Variants in NAALADL2 observed in about 807,000 individuals in gnomAD.
NAALADL2 encodes the protein N-acetylated alpha-linked acidic dipeptidase like 2.
In NAALADL2, 76 loss-of-function variants were observed where a neutral mutation model predicts 87.2. The ratio of observed to expected loss-of-function variants is 0.87; its 90% CI spans 0.72 to 1.05. The LOEUF is 1.05. Among genes scored for constraint, NAALADL2 ranks in the 50% least tolerant of loss-of-function variants. The pLI, the probability that NAALADL2 is intolerant of heterozygous loss-of-function variation, is 0.00. For synonymous variants in NAALADL2, 354 were observed against 331.0 expected, an observed-to-expected ratio of 1.07 and a Z score of -0.75; for missense variants, 1,089 against 945.8, an observed-to-expected ratio of 1.15 and a Z score of -1.99.
intron 5 of NAALADL2, among the ~76,000 whole-genome samples, chr3:175,333,384 A>G (rs1761625765): frequency 1.3e-5 from 2 of 152,146 alleles, no homozygotes; most frequent in South Asian, 2.1e-4. Context: ...GCTAGGGAGC[A>G]TGTGCTTCAG....
chr3:175,199,756 T>A (rs1295391409), intron 2 of NAALADL2, among the ~76,000 whole-genome samples: 1 of 79,970 alleles, frequency 1.3e-5, no homozygotes, highest in African/African-American at 3.2e-5. Context: ...CCAGGAAAAC[T>A]GATTGATTTG....
chr3:175,354,012 T>A (rs1295074165), intron 5 of NAALADL2, among the ~76,000 whole-genome samples: 4 of 152,230 alleles, frequency 2.6e-5, no homozygotes, highest in Non-Finnish European at 4.4e-5. Flanking sequence ...TGGAGCTATT[T>A]TTCTCTTATA....
intron 1 of NAALADL2, among the ~76,000 whole-genome samples, chr3:174,508,113 G>GTTTT (rs1560020933): frequency 2.2e-5 from 2 of 92,940 alleles, no homozygotes; most frequent in African/African-American, 7.9e-5. Flanking sequence ...GATATCTAGT[G>GTTTT]GTTTTTTTTT....
rs537286283 is a variant in NAALADL2, at chr3:175,718,506, G to A, written c.1897-18800G>A. On this transcript the variant is annotated intron_variant, in intron 11 of 13. Coordinates refer to ENST00000454872, the MANE Select transcript of NAALADL2 (RefSeq NM_207015.3). The stretch of plus-strand genomic sequence containing the variant: ...CGGTTTTCATAAATTGTTCTTGGAG[G>A]CCCAATTATCATCCCTGTCCATCTT... 1.3e-5 allele frequency: 20 copies of A among 1,589,658 alleles called. No individual in the cohort carries two copies. The South Asian group carries it at 2.1e-4, about 17-fold the overall frequency.
At chr3:175,205,745 A>G (rs193213178) in intron 2 of NAALADL2, among the ~76,000 whole-genome samples, 4 of 151,988 alleles carry the variant, frequency 2.6e-5, no homozygotes, top group African/African-American at 9.7e-5. Flanking sequence ...CAAAAAAATC[A>G]GTAAGAAAAC....
intron 1 of NAALADL2, among the ~76,000 whole-genome samples, chr3:174,981,225 G>T (rs1745066031): frequency 6.6e-6 from 1 of 152,092 alleles, no homozygotes; most frequent in Non-Finnish European, 1.5e-5. Flanking sequence ...GTATACTCAT[G>T]AATCATATTA....
chr3:175,048,225 G>A (rs1007613407), intron 1 of NAALADL2, among the ~76,000 whole-genome samples: 2 of 152,010 alleles, frequency 1.3e-5, no homozygotes, highest in African/African-American at 4.8e-5. Context: ...TTCAAATGAG[G>A]GATTATCTGC....
intron 2 of NAALADL2, among the ~76,000 whole-genome samples, chr3:175,153,788 G>C (rs1731907864): frequency 6.6e-6 from 1 of 152,170 alleles, no homozygotes; most frequent in Admixed American, 6.6e-5. Context: ...ACTGAAATAG[G>C]GGTGGGTTGA....
chr3:175,013,966 A>C (rs1321076636), intron 1 of NAALADL2, among the ~76,000 whole-genome samples: 3 of 152,154 alleles, frequency 2.0e-5, no homozygotes, highest in African/African-American at 7.2e-5. Context: ...CATCAGTCAT[A>C]GGGTCACACT....
intron 1 of NAALADL2, among the ~76,000 whole-genome samples, chr3:174,476,148 C>A (rs1443219331): frequency 4.0e-5 from 6 of 151,866 alleles, no homozygotes; most frequent in African/African-American, 1.2e-4. Flanking sequence ...AACATCATAA[C>A]TTGTCAAAGA....
intron 1 of NAALADL2, among the ~76,000 whole-genome samples, chr3:175,050,691 G>T (rs1755269456): frequency 6.6e-6 from 1 of 152,062 alleles, no homozygotes; most frequent in Admixed American, 6.6e-5. Context: ...TACTATAAAG[G>T]TAAAGTTTTT....
chr3:174,845,694 CA>C (rs781353354), intron 3 of NAALADL2, among the ~76,000 whole-genome samples: 9 of 152,102 alleles, frequency 5.9e-5, no homozygotes, highest in Non-Finnish European at 1.0e-4. Context: ...GGGGTGGGAA[CA>C]TGTGGGCTAG....
At chr3:175,633,632 T>TCATCTATGTGGTAC (rs1728112339) in intron 11 of NAALADL2, among the ~76,000 whole-genome samples, 1 of 151,930 alleles carries the variant, frequency 6.6e-6, no homozygotes, top group Non-Finnish European at 1.5e-5. Context: ...AAAAATGCCC[T>TCATCTATGTGGTAC]CATCTATGTG....
At chr3:174,894,741 CTT>C (rs1731300561) in intron 1 of NAALADL2, among the ~76,000 whole-genome samples, 1 of 149,480 alleles carries the variant, frequency 6.7e-6, no homozygotes, top group Admixed American at 6.7e-5. Context: ...AATACACACT[CTT>C]TTTCTCAGCA....
chr3:174,630,032 A>G (rs1237331029), intron 2 of NAALADL2, among the ~76,000 whole-genome samples: 2 of 152,180 alleles, frequency 1.3e-5, no homozygotes, highest in South Asian at 2.1e-4. Flanking sequence ...ATATTATGGC[A>G]TAGTACTTAC....
chr3:175,292,688 A>G (rs1005288625), intron 4 of NAALADL2, among the ~76,000 whole-genome samples: 1 of 151,744 alleles, frequency 6.6e-6, no homozygotes, highest in Non-Finnish European at 1.5e-5. Flanking sequence ...CCCATTCAAC[A>G]ATTTTTTATT....
intron 9 of NAALADL2, among the ~76,000 whole-genome samples, chr3:175,504,146 C>A (rs6775219): frequency 0.089 from 13,491 of 152,214 alleles, 655 homozygotes; most frequent in South Asian, 0.14. Flanking sequence ...ATATGGCTAG[C>A]CAGTTATCCC....
At chr3:175,272,569 C>G (rs2110019298) in intron 4 of NAALADL2, among the ~76,000 whole-genome samples, 1 of 152,228 alleles carries the variant, frequency 6.6e-6, no homozygotes, top group South Asian at 2.1e-4. Flanking sequence ...ATGCATTGAA[C>G]CGGCTACATT....
chr3:175,569,259 C>A (rs1717669758), intron 9 of NAALADL2, among the ~76,000 whole-genome samples: 1 of 152,122 alleles, frequency 6.6e-6, no homozygotes, highest in Non-Finnish European at 1.5e-5. Context: ...AATGTTATAA[C>A]AAAATTTTGT....
Sources: allele counts gnomAD v4.1 joint callset (sites outside exome capture counted in the v4.1 genomes callset), GRCh38; gene constraint gnomAD v4.1.1; transcripts MANE v1.5; gene names NCBI Gene and HGNC (gene_info 2026-07-23, HGNC 2026-07-21).